Variants in SLF1 observed in about 807,000 individuals in gnomAD.
The protein encoded by SLF1 is SMC5/6 complex localization factor 1.
SLF1 carries 105 observed loss-of-function variants against 123.0 expected under a neutral mutation model. That is an observed-to-expected ratio of 0.85 (90% CI 0.73 to 1.00). The LOEUF (loss-of-function observed/expected upper bound fraction) is 1.00. Ranked by LOEUF, SLF1 falls within the 50% of genes least tolerant of loss-of-function variation. The pLI is 0.00. For synonymous variants in SLF1, 434 were observed against 406.6 expected (o/e 1.07, Z -0.81); for missense variants, 1,239 against 1,223.0 (o/e 1.01, Z -0.20).
chr5:94,693,482 G>A lies in SLF1; in HGVS notation c.2695+1226G>A, dbSNP rs568328236. Among the ~76,000 whole-genome samples, 4 of 152,112 alleles carry A rather than the reference G, an allele frequency of 2.6e-5. No homozygotes were observed. The South Asian group carries it at 8.3e-4, about 32-fold the overall frequency. On this transcript the variant is annotated intron_variant, in intron 20 of 20. Coordinates refer to ENST00000265140, the MANE Select transcript of SLF1 (RefSeq NM_032290.4). ...AATGTGAATTTTTCTAGGGCTCTTAGTGGAGAATAGTAAAGAGATGAGTTT... is the reference window on the plus strand; with the variant it reads ...AATGTGAATTTTTCTAGGGCTCTTAATGGAGAATAGTAAAGAGATGAGTTT...
chr5:94,664,041 T>A, intron 11 of SLF1, 133 bp downstream of exon 11: 1 of 789,170 alleles, frequency 1.3e-6, no homozygotes, highest in Non-Finnish European at 1.9e-6. Flanking sequence ...ACTAATGCAG[T>A]ACCCATTTAT....
chr5:94,672,733 G>A (rs943595603), intron 14 of SLF1, among the ~76,000 whole-genome samples: 1 of 151,968 alleles, frequency 6.6e-6, no homozygotes, highest in East Asian at 1.9e-4. Context: ...CTTTAACATG[G>A]CAATGACATT....
At chr5:94,670,429 A>T in intron 13 of SLF1, 150 bp downstream of exon 13, 4 of 771,158 alleles carry the variant, frequency 5.2e-6, no homozygotes, top group Non-Finnish European at 7.5e-6. Flanking sequence ...ATTTCCAGAT[A>T]TTCTCAGTGG....
intron 5 of SLF1, among the ~76,000 whole-genome samples, chr5:94,648,248 T>C (rs574458274): frequency 4.4e-4 from 67 of 152,282 alleles, no homozygotes; most frequent in Admixed American, 1.0e-3. Flanking sequence ...ATTTTCACCT[T>C]TCTGAGTTGC....
intron 14 of SLF1, among the ~76,000 whole-genome samples, chr5:94,673,456 C>T (rs1365667933): frequency 6.6e-6 from 1 of 152,010 alleles, no homozygotes; most frequent in Non-Finnish European, 1.5e-5. Context: ...GGAAGGATTG[C>T]TTGCGGCCAG....
Position 94,666,025 on chromosome 5 carries a change from G to C in SLF1, c.1532+1G>C. 1 of 1,542,268 alleles carries C rather than the reference G, an allele frequency of 6.5e-7. No homozygotes were observed. The highest frequency in any genetic ancestry group is 8.7e-7 in the Non-Finnish European group (1 of 1,143,722). Reference sequence around the variant, plus strand: ...GGTCTTTAGTAGAAGTCCTTATCAGGTAAGGAATTTCACATTTGACGATGC... The same window carrying C: ...GGTCTTTAGTAGAAGTCCTTATCAGCTAAGGAATTTCACATTTGACGATGC... On this transcript the variant is annotated splice_donor_variant, in intron 12 of 20. Transcript: ENST00000265140. LOFTEE classifies it high-confidence loss of function.
chr5:94,637,619 G>A (rs1040203417), intron 4 of SLF1, among the ~76,000 whole-genome samples: 3 of 152,092 alleles, frequency 2.0e-5, no homozygotes, highest in African/African-American at 7.2e-5. Context: ...TCACAGTCTT[G>A]GTGGGGCCTT....
intron 5 of SLF1, among the ~76,000 whole-genome samples, chr5:94,647,015 G>C (rs780027103): frequency 7.2e-5 from 11 of 152,074 alleles, no homozygotes; most frequent in Non-Finnish European, 1.0e-4. Flanking sequence ...GTAAAATGAG[G>C]GTAAGTAACT....
intron 14 of SLF1, among the ~76,000 whole-genome samples, chr5:94,678,067 C>T (rs1048562499): frequency 1.5e-4 from 23 of 152,056 alleles, no homozygotes; most frequent in African/African-American, 5.3e-4. Flanking sequence ...ACTGCAGGTG[C>T]CCGCCACCAC....
intron 12 of SLF1, among the ~76,000 whole-genome samples, chr5:94,668,923 G>A (rs10476613): frequency 0.25 from 38,272 of 152,100 alleles, 5,156 homozygotes; most frequent in Non-Finnish European, 0.29. Context: ...CCCTCTTACA[G>A]AAGGTGTTCA....
intron 9 of SLF1, among the ~76,000 whole-genome samples, chr5:94,660,472 G>T (rs1275454156): frequency 6.6e-6 from 1 of 152,190 alleles, no homozygotes; most frequent in Non-Finnish European, 1.5e-5. Context: ...TTGGGCTCTG[G>T]TGGCTGTGCT....
At chr5:94,689,161 G>T (rs1561478521) in intron 17 of SLF1, among the ~76,000 whole-genome samples, 1 of 152,204 alleles carries the variant, frequency 6.6e-6, no homozygotes, top group Non-Finnish European at 1.5e-5. Context: ...GCAGAGGCCT[G>T]CTTGATCTTA....
Position 94,689,615 on chromosome 5 carries a change from A to C in SLF1, c.2419+9A>C, listed in dbSNP as rs1191414381. 6.3e-7 allele frequency: 1 copy of C among 1,599,294 alleles called. No individual in the cohort carries two copies. The highest frequency in any genetic ancestry group is 1.3e-5 in the African/African-American group (1 of 74,148). ...CAAGACTAATCTAAAAGGTATTCCA[A>C]GTATTTAAATTAATTTATGCTAAGA... On this transcript the variant is annotated intron_variant, in intron 18 of 20. Transcript: ENST00000265140.
rs904474545 is a variant in SLF1 at position 94,670,292 on chromosome 5, C to T, written c.1661+13C>T. ...ATCTGAGTCAAAAGTAAGTTCTAAT[C>T]GCAAGAATAACACTTTTCTAAATTT... is the stretch of plus-strand genomic sequence containing the variant. On this transcript the variant is annotated intron_variant, in intron 13 of 20. Transcript: ENST00000265140. 28 of 1,451,668 alleles carry T rather than the reference C, an allele frequency of 1.9e-5. 1 individual carries two copies. In the Admixed American group the frequency reaches 4.1e-4, roughly 21 times the overall value. 89.9% of individuals were successfully genotyped at this position (1,451,668 alleles called of 1,614,324 possible).
At chr5:94,685,147 A>G (rs866987055) in intron 15 of SLF1, among the ~76,000 whole-genome samples, 4 of 152,210 alleles carry the variant, frequency 2.6e-5, no homozygotes, top group Non-Finnish European at 5.9e-5. Flanking sequence ...GCCTTTTATG[A>G]AGGCATCTGA....
At chr5:94,644,378 C>T (rs112890726) in intron 5 of SLF1, among the ~76,000 whole-genome samples, 42 of 152,276 alleles carry the variant, frequency 2.8e-4, no homozygotes, top group Admixed American at 7.8e-4. Flanking sequence ...CACTCACCTA[C>T]GTAAAACTCT....
At chr5:94,639,682 A>G (rs770692345) in intron 4 of SLF1, among the ~76,000 whole-genome samples, 8 of 152,256 alleles carry the variant, frequency 5.3e-5, no homozygotes, top group Non-Finnish European at 7.3e-5. Flanking sequence ...TAATGTAAAC[A>G]GTTAACATAA....
chr5:94,629,441 C>G (rs1347555483), intron 3 of SLF1, among the ~76,000 whole-genome samples: 2 of 151,980 alleles, frequency 1.3e-5, no homozygotes, highest in Non-Finnish European at 2.9e-5. Flanking sequence ...AATGAAAAGA[C>G]TGGCACAAAA....
chr5:94,686,407 A>G (rs1202946989), intron 15 of SLF1, among the ~76,000 whole-genome samples, 166 bp from the exon 16 acceptor site: 1 of 152,244 alleles, frequency 6.6e-6, no homozygotes, highest in Non-Finnish European at 1.5e-5. Context: ...TTAAAAGTCA[A>G]GGAATAGTGA....
Sources: gnomAD v4.1 joint callset for allele counts (sites outside exome capture counted in the v4.1 genomes callset) on GRCh38, gnomAD v4.1.1 for gene constraint, MANE v1.5 for transcripts, NCBI Gene and HGNC (gene_info 2026-07-23, HGNC 2026-07-21) for gene names.